Variants in TRABD2A observed in about 807,000 individuals in gnomAD.
The protein encoded by TRABD2A is TraB domain containing 2A.
In TRABD2A, 43 loss-of-function variants were observed where a neutral mutation model predicts 45.6. The observed-to-expected ratio is 0.94, with a 90% CI of 0.74 to 1.22. The LOEUF is 1.22. Ranked by LOEUF, TRABD2A falls within the 50% of genes most tolerant of loss-of-function variation. TRABD2A has a pLI of 0.00. For missense variants in TRABD2A, 642 were observed against 652.4 expected (o/e 0.98, Z 0.17); for synonymous variants, 269 against 265.0 (o/e 1.02, Z -0.15).
At chr2:84,849,390 A>G (rs1324751419) in intron 2 of TRABD2A, 2 of 152,146 alleles carry the variant, frequency 1.3e-5, no homozygotes, top group Non-Finnish European at 2.9e-5. Context: ...CCACCACTTC[A>G]TTGTTGACAT....
intron 2 of TRABD2A, among the ~76,000 whole-genome samples, chr2:84,863,595 T>C (rs1480388322): frequency 8.0e-6 from 1 of 125,484 alleles, no homozygotes. Flanking sequence ...TATTCAAATT[T>C]TCTTTTTTTT....
intron 1 of TRABD2A, among the ~76,000 whole-genome samples, chr2:84,878,518 G>A (rs1683104801): frequency 7.0e-6 from 1 of 143,536 alleles, no homozygotes; most frequent in African/African-American, 2.7e-5. Context: ...GATAGAGCAA[G>A]ACTCTGTCTC....
At chr2:84,874,844 C>T (rs544484025) in intron 1 of TRABD2A, 2 of 189,638 alleles carry the variant, frequency 1.1e-5, no homozygotes, top group South Asian at 2.1e-4. Flanking sequence ...TCTGCTTCTG[C>T]CCTCGAAGCC....
intron 2 of TRABD2A, among the ~76,000 whole-genome samples, chr2:84,865,427 C>T (rs144804666): frequency 1.3e-3 from 191 of 152,376 alleles, no homozygotes; most frequent in African/African-American, 4.5e-3. Context: ...TCAGCGTCAA[C>T]TCTGGGGTTT....
At chr2:84,867,710 A>G (rs1456516377) in intron 2 of TRABD2A, among the ~76,000 whole-genome samples, 1 of 152,240 alleles carries the variant, frequency 6.6e-6, no homozygotes, top group Non-Finnish European at 1.5e-5. Flanking sequence ...AATATCCAGA[A>G]TCTACAAAGA....
intron 2 of TRABD2A, among the ~76,000 whole-genome samples, chr2:84,869,973 C>CAAAAAAA (rs36090318): frequency 7.2e-3 from 548 of 75,732 alleles, no homozygotes; most frequent in African/African-American, 0.011. Flanking sequence ...GACTCTGTCC[C>CAAAAAAA]AAAAAAAAAA....
chr2:84,848,032 C>A (rs1681957915), intron 2 of TRABD2A, among the ~76,000 whole-genome samples: 1 of 152,108 alleles, frequency 6.6e-6, no homozygotes, highest in Non-Finnish European at 1.5e-5. Flanking sequence ...TGAGTAGGGC[C>A]AACCCTAATG....
At chr2:84,848,375 TAGACAGACAGACAGAC>T (rs57767626) in intron 2 of TRABD2A, among the ~76,000 whole-genome samples, 5 of 80,592 alleles carry the variant, frequency 6.2e-5, no homozygotes, top group Admixed American at 4.8e-4. Flanking sequence ...GATAGATAGA[TAGACAGACAGACAGAC>T]AGACAGACAG....
At chr2:84,838,989 G>A in intron 4 of TRABD2A, 160 bp downstream of exon 4, 1 of 764,858 alleles carries the variant, frequency 1.3e-6, no homozygotes. Flanking sequence ...TCCATCCCCA[G>A]CTGGAGCCAC....
chr2:84,846,039 T>C (rs1681884901), intron 2 of TRABD2A, among the ~76,000 whole-genome samples: 1 of 152,134 alleles, frequency 6.6e-6, no homozygotes, highest in African/African-American at 2.4e-5. Context: ...GGACAGCACA[T>C]ACACAAGCAA....
Position 84,870,703 on chromosome 2 carries a change from G to A in TRABD2A, c.191C>T (p.Thr64Ile). 6.2e-7 allele frequency: 1 copy of A among 1,604,630 alleles called. No homozygotes were observed. ...GTCGGGGATGAAGTCCCAAACTCGG[G>A]TGTACGGGACATGGATTGTGCCAAA... ...YFFGTIHVPY[T>I]RVWDFIPDNS... Residue 64 changes from threonine (T) to isoleucine (I), a missense_variant, in exon 2 of 7, where the codon ACC (threonine) becomes ATC (isoleucine). Physicochemically the swap from Thr to Ile is moderately conservative, Grantham distance 89 (BLOSUM62 -1). Transcript: ENST00000409520.
intron 4 of TRABD2A, chr2:84,838,195 A>G (rs1163806725): frequency 1.4e-6 from 1 of 717,370 alleles, no homozygotes; most frequent in Non-Finnish European, 2.6e-6. Context: ...AACAGTTTTC[A>G]CAGCTACTGT....
In TRABD2A at chr2:84,870,258, C is replaced by A. The variant is rs1288422637; in HGVS notation, c.636G>T (p.Gln212His). The A allele has an allele frequency of 1.2e-6, 2 of 1,613,584 alleles. No homozygotes were observed. Among genetic ancestry groups the A allele is most frequent in the African/African-American group, 2.7e-5 (2 of 74,918 alleles). The change falls in exon 2 of 7, where the codon CAG becomes CAT. Residue 212 changes from glutamine to histidine, a missense_variant. By Grantham distance (24) the Gln-to-His change is conservative. Transcript: ENST00000409520. ...AGTTCAACCCATTCAATGGATGGCA[C>A]TGCTCTTCCACCTTTTCCACTGCCC... ...QTGAVEKVEE[Q>H]CHPLNGLNFS...
Position 84,839,329 on chromosome 2 carries a change from C to T in TRABD2A, c.817-6G>A. 6.3e-7 allele frequency: 1 copy of T among 1,590,994 alleles called. No homozygotes were observed. Among genetic ancestry groups the T allele is most frequent in the East Asian group, 2.3e-5 (1 of 44,198 alleles). On this transcript the variant is annotated splice_region_variant and splice_polypyrimidine_tract_variant and intron_variant, in intron 3 of 6. Transcript: ENST00000409520. ...GCATTAATAAAATTGGGAACCTCCA[C>T]CAAAATAAAGAGAAAAAAAAATAAG...
At chr2:84,850,105 C>A (rs769934093) in intron 2 of TRABD2A, among the ~76,000 whole-genome samples, 1 of 152,194 alleles carries the variant, frequency 6.6e-6, no homozygotes, top group Non-Finnish European at 1.5e-5. Context: ...GTACCTCCAA[C>A]GGGTTCTCTT....
Position 84,839,145 on chromosome 2 carries a change from T to C in TRABD2A, c.991+4A>G. ...AGGCTAATCAGAGGTGACCCACTAC[T>C]CACCAGCTCCAAAGGCAAAGAAGAA... On this transcript the variant is annotated splice_donor_region_variant and intron_variant, in intron 4 of 6. Coordinates refer to ENST00000409520, the MANE Select transcript of TRABD2A (RefSeq NM_001277053.2). 3.7e-6 allele frequency: 6 copies of C among 1,613,872 alleles called. No individual in the cohort carries two copies. Among genetic ancestry groups the C allele is most frequent in the Non-Finnish European group, 5.1e-6 (6 of 1,179,858 alleles).
chr2:84,845,668 G>T (rs1681872568), intron 2 of TRABD2A, among the ~76,000 whole-genome samples: 1 of 152,202 alleles, frequency 6.6e-6, no homozygotes. Flanking sequence ...GAATGGAAGG[G>T]CATAAGGGAT....
intron 2 of TRABD2A, among the ~76,000 whole-genome samples, chr2:84,847,496 C>T (rs1028999685): frequency 6.6e-6 from 1 of 152,196 alleles, no homozygotes; most frequent in Admixed American, 6.5e-5. Context: ...TCACATGAAT[C>T]AGCTGAACAC....
chr2:84,843,234 A>C (rs1020980251), intron 2 of TRABD2A, among the ~76,000 whole-genome samples: 5 of 152,072 alleles, frequency 3.3e-5, no homozygotes, highest in Non-Finnish European at 5.9e-5. Context: ...CTTTGCTGGA[A>C]TATCTCCTCA....
Sources: allele counts gnomAD v4.1 joint callset (sites outside exome capture counted in the v4.1 genomes callset), GRCh38; gene constraint gnomAD v4.1.1; transcripts MANE v1.5; gene names NCBI Gene and HGNC (gene_info 2026-07-23, HGNC 2026-07-21).